WDR27: variants seen among roughly 807,000 people sequenced by gnomAD.
WDR27 encodes the protein WD repeat-containing protein 27.
A neutral mutation model predicts 114.4 loss-of-function variants in WDR27; 100 were observed. The observed-to-expected ratio is 0.87, with a 90% confidence interval of 0.74 to 1.03. The LOEUF (loss-of-function observed/expected upper bound fraction) is 1.03. Ranked by LOEUF, WDR27 falls within the 50% of genes least tolerant of loss-of-function variation. WDR27 has a pLI of 0.00. For synonymous variants in WDR27, 449 were observed against 423.1 expected (o/e 1.06, Z -0.75); for missense variants, 1,129 against 1,092.9 (o/e 1.03, Z -0.47).
intron 23 of WDR27, among the ~76,000 whole-genome samples, chr6:169,584,286 A>G (rs1804137750): frequency 6.6e-6 from 1 of 152,206 alleles, no homozygotes; most frequent in Non-Finnish European, 1.5e-5. Context: ...AGACATAGGC[A>G]CACACACTCC....
intron 24 of WDR27, among the ~76,000 whole-genome samples, chr6:169,580,091 G>A (rs1030366562): frequency 6.6e-6 from 1 of 152,316 alleles, no homozygotes; most frequent in East Asian, 1.9e-4. Context: ...AAATGCTGTT[G>A]GTGTTTGTGG....
chr6:169,498,744 T>C (rs1336981067), intron 25 of WDR27, among the ~76,000 whole-genome samples: 1 of 152,226 alleles, frequency 6.6e-6, no homozygotes, highest in Non-Finnish European at 1.5e-5. Flanking sequence ...TTACATAGTG[T>C]ATGATTCCAT....
chr6:169,636,774 A>C (rs28606592), intron 18 of WDR27, among the ~76,000 whole-genome samples: 4 of 152,246 alleles, frequency 2.6e-5, no homozygotes, highest in Admixed American at 2.6e-4. Context: ...AAACATACTA[A>C]GTACCAAAGA....
intron 2 of WDR27, among the ~76,000 whole-genome samples, chr6:169,686,586 G>A (rs1269926321): frequency 6.6e-6 from 1 of 151,996 alleles, no homozygotes; most frequent in Non-Finnish European, 1.5e-5. Context: ...CATGCAAATG[G>A]AAACCAAAAG....
chr6:169,565,811 G>A lies in WDR27; in HGVS notation c.2645+6608C>T, dbSNP rs191663605. On this transcript the variant is annotated intron_variant, in intron 25 of 25. Coordinates refer to ENST00000448612, the MANE Select transcript of WDR27 (RefSeq NM_182552.5). ...GGACTACAGGCATGAGCCACCACAC[G>A]CAGCTGATTTTTCATTTTTGTAGAA... Among the ~76,000 whole-genome samples, 594 of 152,244 alleles carry A rather than the reference G, an allele frequency of 3.9e-3. 6 individuals carry two copies. Among genetic ancestry groups the A allele is most frequent in the African/African-American group, 0.014 (568 of 41,548 alleles).
chr6:169,483,499 G>A (rs967997156), intron 25 of WDR27, among the ~76,000 whole-genome samples: 3 of 152,302 alleles, frequency 2.0e-5, no homozygotes, highest in East Asian at 3.9e-4. Context: ...AACAAGTTCT[G>A]AAATTGAATT....
intron 23 of WDR27, among the ~76,000 whole-genome samples, chr6:169,593,954 C>CTT (rs1366828704): frequency 1.3e-5 from 2 of 152,156 alleles, no homozygotes; most frequent in African/African-American, 4.8e-5. Flanking sequence ...TTATCACCTG[C>CTT]TTTTATCTCT....
At chr6:169,459,632 C>T (rs1784683438) in intron 25 of WDR27, among the ~76,000 whole-genome samples, 2 of 151,948 alleles carry the variant, frequency 1.3e-5, no homozygotes, top group Admixed American at 1.3e-4. Context: ...AAAAGTCCCA[C>T]ACTGAGACAC....
intron 24 of WDR27, among the ~76,000 whole-genome samples, chr6:169,578,205 C>T (rs969076760): frequency 6.6e-6 from 1 of 152,110 alleles, no homozygotes; most frequent in African/African-American, 2.4e-5. Flanking sequence ...GTGACATGGT[C>T]CTGGAATAAC....
chr6:169,465,737 C>A lies in WDR27; in HGVS notation c.2646-8103G>T, dbSNP rs1489297230. 3.9e-5 allele frequency among the ~76,000 whole-genome samples: 6 copies of A among 152,104 alleles called. No homozygotes were observed. In the East Asian group the frequency reaches 1.2e-3, roughly 29 times the overall value. On this transcript the variant is annotated intron_variant, in intron 25 of 25. Transcript: ENST00000448612. ...AAAATGAAGGAAAGTCTGGCACAGG[C>A]TAAAACATAAATGAACCTTGAGGAC...
Position 169,658,449 on chromosome 6 carries a change from A to G in WDR27, c.1320-91T>C, listed in dbSNP as rs1824950264. On this transcript the variant is annotated intron_variant, in intron 12 of 25. Coordinates refer to ENST00000448612, the MANE Select transcript of WDR27 (RefSeq NM_182552.5). The stretch of plus-strand genomic sequence containing the variant: ...GACACACACTTTAAAGACAGTTCCA[A>G]ATGACTGATTCCTGCAGCTGTGGAC... 3 of 935,078 alleles carry G rather than the reference A, an allele frequency of 3.2e-6. No individual in the cohort carries two copies. In the South Asian group the frequency reaches 4.3e-5, roughly 13 times the overall value. The allele number at this position is 935,078 out of a possible 1,614,324, so 57.9% of individuals were successfully genotyped here.
At chr6:169,466,110 G>A (rs1012108244) in intron 25 of WDR27, among the ~76,000 whole-genome samples, 4 of 152,172 alleles carry the variant, frequency 2.6e-5, no homozygotes, top group African/African-American at 9.7e-5. Context: ...CAGGTCGAGA[G>A]GAGCCCAGAA....
chr6:169,488,945 CCT>C (rs2115424843), intron 25 of WDR27, among the ~76,000 whole-genome samples: 1 of 114,094 alleles, frequency 8.8e-6, no homozygotes, highest in South Asian at 2.7e-4. Flanking sequence ...TTTGATGCCC[CCT>C]TTTTTTTTTT....
chr6:169,587,372 C>T (rs746687120), intron 23 of WDR27, among the ~76,000 whole-genome samples: 1 of 152,044 alleles, frequency 6.6e-6, no homozygotes, highest in Non-Finnish European at 1.5e-5. Flanking sequence ...GTGCCTAGCA[C>T]CACACGCGGC....
chr6:169,437,353 G>A, the WDR27 span, among the ~76,000 whole-genome samples: 1 of 152,126 alleles, frequency 6.6e-6, no homozygotes, highest in Admixed American at 6.5e-5. Context: ...GGTTTTCTCA[G>A]AATGTTGATC....
At chr6:169,606,912 T>A (rs899498366) in intron 22 of WDR27, among the ~76,000 whole-genome samples, 1 of 152,218 alleles carries the variant, frequency 6.6e-6, no homozygotes, top group Non-Finnish European at 1.5e-5. Context: ...ATGGTTGAAC[T>A]AATGTACGTT....
At chr6:169,458,875 A>G (rs949783492) in intron 25 of WDR27, among the ~76,000 whole-genome samples, 2 of 152,142 alleles carry the variant, frequency 1.3e-5, no homozygotes, top group Non-Finnish European at 2.9e-5. Flanking sequence ...AACTAAGAAG[A>G]TTTGAAGTTT....
At chr6:169,501,981 G>T (rs1791309104) in intron 25 of WDR27, among the ~76,000 whole-genome samples, 1 of 152,222 alleles carries the variant, frequency 6.6e-6, no homozygotes, top group South Asian at 2.1e-4. Flanking sequence ...CACAGCCAAG[G>T]ACTGGGCCGG....
At chr6:169,654,835 G>A (rs540989358) in intron 13 of WDR27, among the ~76,000 whole-genome samples, 2 of 152,118 alleles carry the variant, frequency 1.3e-5, no homozygotes, top group South Asian at 2.1e-4. Context: ...AGAAGGAGGC[G>A]GCTCGCTCAG....
Sources: gnomAD v4.1 joint callset for allele counts (sites outside exome capture counted in the v4.1 genomes callset) on GRCh38, gnomAD v4.1.1 for gene constraint, MANE v1.5 for transcripts, NCBI Gene and HGNC (gene_info 2026-07-23, HGNC 2026-07-21) for gene names.